LRRTM4: variants seen among roughly 807,000 people sequenced by gnomAD.
LRRTM4 encodes leucine-rich repeat transmembrane neuronal protein 4.
A neutral mutation model predicts 47.6 loss-of-function variants in LRRTM4; 25 were observed. The observed-to-expected ratio is 0.53, with a 90% confidence interval of 0.38 to 0.73. The LOEUF (loss-of-function observed/expected upper bound fraction) is 0.73, where lower values mean the gene tolerates loss of function less well. LRRTM4 is among the 30% of genes least tolerant of loss of function. The pLI, the probability that LRRTM4 is intolerant of heterozygous loss-of-function variation, is 0.00. For synonymous variants in LRRTM4, 311 were observed against 269.5 expected, an observed-to-expected ratio of 1.15 and a Z score of -1.51; for missense variants, 638 against 713.4, an observed-to-expected ratio of 0.89 and a Z score of 1.20.
intron 3 of LRRTM4, among the ~76,000 whole-genome samples, chr2:77,031,043 TTCTTA>T (rs567819833): frequency 5.9e-5 from 9 of 152,182 alleles, no homozygotes; most frequent in Non-Finnish European, 1.3e-4. Context: ...AAATATTATT[TTCTTA>T]TATTTTAAAT....
chr2:76,972,577 C>A (rs1215385661), intron 3 of LRRTM4, among the ~76,000 whole-genome samples: 2 of 151,812 alleles, frequency 1.3e-5, no homozygotes, highest in African/African-American at 4.8e-5. Flanking sequence ...GCCACCACAC[C>A]TGGCTACTTT....
intron 3 of LRRTM4, among the ~76,000 whole-genome samples, chr2:76,910,540 C>G (rs573234899): frequency 6.6e-6 from 1 of 152,108 alleles, no homozygotes; most frequent in Non-Finnish European, 1.5e-5. Context: ...ACCATTATTA[C>G]GAAGAAATAT....
At chr2:77,344,037 A>C (rs959262456) in intron 3 of LRRTM4, among the ~76,000 whole-genome samples, 2 of 151,894 alleles carry the variant, frequency 1.3e-5, no homozygotes, top group African/African-American at 4.8e-5. Flanking sequence ...TAAATAGATC[A>C]ATATTAAAAG....
Position 76,936,442 on chromosome 2 carries a change from G to T in LRRTM4, c.1552-187526C>A, listed in dbSNP as rs566932506. Among the ~76,000 whole-genome samples the T allele has an allele frequency of 9.9e-5, 15 of 151,920 alleles. 1 individual carries two copies. In the South Asian group the frequency reaches 2.9e-3, roughly 30 times the overall value. On this transcript the variant is annotated intron_variant, in intron 3 of 3. Coordinates refer to ENST00000409884, the MANE Select transcript of LRRTM4 (RefSeq NM_001134745.3). The stretch of plus-strand genomic sequence containing the variant: ...TCACACACTGGGGCCTGTTGAGGGT[G>T]GGGGGTTAGGGGAGGGATAGCATTA...
chr2:77,014,332 TATTA>T (rs1336189964), intron 3 of LRRTM4, among the ~76,000 whole-genome samples: 1 of 152,024 alleles, frequency 6.6e-6, no homozygotes, highest in East Asian at 1.9e-4. Flanking sequence ...GTAAATTAAA[TATTA>T]ATTTATTATA....
At chr2:76,812,309 A>G (rs1670758178) in intron 3 of LRRTM4, among the ~76,000 whole-genome samples, 1 of 152,160 alleles carries the variant, frequency 6.6e-6, no homozygotes, top group African/African-American at 2.4e-5. Context: ...TATGCCTGGC[A>G]CTATAGAAGA....
At chr2:77,009,813 C>G (rs191248673) in intron 3 of LRRTM4, 2 of 152,126 alleles carry the variant, frequency 1.3e-5, no homozygotes, top group East Asian at 3.9e-4. Flanking sequence ...GTTTCCATCT[C>G]TTAGTAATTT....
At chr2:77,292,736 C>T (rs12328437) in intron 3 of LRRTM4, among the ~76,000 whole-genome samples, 52,228 of 147,230 alleles carry the variant, frequency 0.35, 13,651 homozygotes, top group African/African-American at 0.73. Context: ...TTAAGAGATA[C>T]ACCTAATGCT....
intron 3 of LRRTM4, among the ~76,000 whole-genome samples, chr2:76,969,028 C>G (rs1329847742): frequency 3.3e-5 from 5 of 151,890 alleles, no homozygotes; most frequent in African/African-American, 7.2e-5. Flanking sequence ...TTCCTCTCCT[C>G]TACATACTAC....
chr2:77,516,322 T>C (rs1679206492), intron 3 of LRRTM4, among the ~76,000 whole-genome samples: 1 of 151,822 alleles, frequency 6.6e-6, no homozygotes. Context: ...TCTTTTAAAC[T>C]TGTTTCTGTC....
chr2:76,767,518 A>G (rs1176251750), intron 3 of LRRTM4, among the ~76,000 whole-genome samples: 1 of 152,170 alleles, frequency 6.6e-6, no homozygotes, highest in Non-Finnish European at 1.5e-5. Context: ...GTGCTCAAAT[A>G]CTATCTCGTG....
chr2:77,248,339 A>ACCATAGAGTTATAGCAATCGTG (rs1447076789), intron 3 of LRRTM4, among the ~76,000 whole-genome samples: 2 of 152,054 alleles, frequency 1.3e-5, no homozygotes, highest in African/African-American at 4.8e-5. Flanking sequence ...ATATAAATCT[A>ACCATAGAGTTATAGCAATCGTG]ACAAAGCATG....
chr2:76,879,822 T>C (rs1224555927), intron 3 of LRRTM4, among the ~76,000 whole-genome samples: 1 of 152,178 alleles, frequency 6.6e-6, no homozygotes, highest in African/African-American at 2.4e-5. Flanking sequence ...AGTCAAAATA[T>C]CAACATTAAT....
At chr2:77,029,021 C>T (rs894491171) in intron 3 of LRRTM4, among the ~76,000 whole-genome samples, 2 of 137,686 alleles carry the variant, frequency 1.5e-5, no homozygotes. Context: ...GGTGACAAAG[C>T]GAGAGTCCAT....
At chr2:76,970,372 T>C (rs1676176517) in intron 3 of LRRTM4, among the ~76,000 whole-genome samples, 1 of 152,024 alleles carries the variant, frequency 6.6e-6, no homozygotes, top group African/African-American at 2.4e-5. Context: ...CAACTAATAG[T>C]ACTGTGAATA....
chr2:76,835,075 CT>C (rs1277993772), intron 3 of LRRTM4, among the ~76,000 whole-genome samples: 1 of 152,020 alleles, frequency 6.6e-6, no homozygotes, highest in East Asian at 1.9e-4. Context: ...AAGAATCATT[CT>C]TTTGTTTCTA....
intron 3 of LRRTM4, among the ~76,000 whole-genome samples, chr2:76,770,124 A>C (rs1673632033): frequency 6.6e-6 from 1 of 152,164 alleles, no homozygotes; most frequent in South Asian, 2.1e-4. Flanking sequence ...TACCAAATAA[A>C]AGGGAAATGT....
chr2:76,792,493 T>C (rs1221025762), intron 3 of LRRTM4, among the ~76,000 whole-genome samples: 2 of 152,148 alleles, frequency 1.3e-5, no homozygotes, highest in African/African-American at 2.4e-5. Flanking sequence ...CCTGAAGAGT[T>C]TGTAGTATAT....
intron 3 of LRRTM4, among the ~76,000 whole-genome samples, chr2:77,302,098 T>C (rs956372585): frequency 6.6e-6 from 1 of 152,076 alleles, no homozygotes; most frequent in African/African-American, 2.4e-5. Flanking sequence ...AGAAAAGCAA[T>C]AGAGGAATAG....
Sources: gnomAD v4.1 joint callset for allele counts (sites outside exome capture counted in the v4.1 genomes callset) on GRCh38, gnomAD v4.1.1 for gene constraint, MANE v1.5 for transcripts, NCBI Gene and HGNC (gene_info 2026-07-23, HGNC 2026-07-21) for gene names.